Variants in ACAP2 observed in about 807,000 individuals in gnomAD.
ACAP2 encodes the protein ArfGAP with coiled-coil, ankyrin repeat and PH domains 2.
ACAP2 carries 39 observed loss-of-function variants against 115.8 expected under a neutral mutation model. That is an observed-to-expected ratio of 0.34 (90% CI 0.26 to 0.44). The LOEUF is 0.44. ACAP2 is among the 20% of genes least tolerant of loss of function. ACAP2 has a pLI of 1.00. For synonymous variants in ACAP2, 289 were observed against 315.8 expected, an observed-to-expected ratio of 0.92 and a Z score of 0.90; for missense variants, 662 against 927.6, an observed-to-expected ratio of 0.71 and a Z score of 3.72.
chr3:195,321,516 T>C (rs139839725), intron 9 of ACAP2, among the ~76,000 whole-genome samples: 2,035 of 152,142 alleles, frequency 0.013, 35 homozygotes, highest in African/African-American at 0.044. Context: ...TATGGTGATA[T>C]GTGTTAACAA....
chr3:195,353,221 A>C (rs1379686258), intron 4 of ACAP2, among the ~76,000 whole-genome samples: 1 of 152,210 alleles, frequency 6.6e-6, no homozygotes, highest in Non-Finnish European at 1.5e-5. Flanking sequence ...AGAGGACCAG[A>C]GACTGAGGCA....
At chr3:195,413,143 T>C (rs980238420) in intron 1 of ACAP2, among the ~76,000 whole-genome samples, 2 of 152,214 alleles carry the variant, frequency 1.3e-5, no homozygotes, top group Admixed American at 6.5e-5. Context: ...GTTCCTTTTG[T>C]AAGTAGTTTT....
intron 4 of ACAP2, among the ~76,000 whole-genome samples, chr3:195,379,604 G>A (rs1463202399): frequency 3.3e-5 from 5 of 152,108 alleles, no homozygotes; most frequent in African/African-American, 1.2e-4. Context: ...ACTAGCCTGG[G>A]CAAAAGAACA....
chr3:195,369,537 ATGT>A (rs2108723556), intron 4 of ACAP2, among the ~76,000 whole-genome samples: 1 of 152,248 alleles, frequency 6.6e-6, no homozygotes, highest in Non-Finnish European at 1.5e-5. Context: ...TTCTGTTCCT[ATGT>A]TAGTTTGGAT....
In ACAP2 at chr3:195,275,841, A is replaced by G. The variant is rs553346269; in HGVS notation, c.*3487T>C. ...AAACAGTATACAAAGGGATGCTTCT[A>G]TATTTTCACCTTGTTTCATTACACT... On this transcript the variant is annotated 3_prime_UTR_variant, in exon 23 of 23. Transcript: ENST00000326793. The G allele has an allele frequency of 6.6e-6, 1 of 152,616 alleles. No homozygotes were observed. Among genetic ancestry groups the G allele is most frequent in the Admixed American group, 6.5e-5 (1 of 15,302 alleles). The allele number at this position is 152,616 out of a possible 1,614,324, so 9.5% of individuals were successfully genotyped here. A position where few individuals can be genotyped will look rare whatever the true frequency, so the allele number is the denominator to read the frequency against.
In ACAP2 at chr3:195,369,213, ATATT is replaced by A. The variant is rs1380797317; in HGVS notation, c.285+11792_285+11795del. Among the ~76,000 whole-genome samples the A allele has an allele frequency of 3.9e-5, 6 of 152,290 alleles. No individual in the cohort carries two copies. In the East Asian group the frequency reaches 1.2e-3, roughly 29 times the overall value. ...AAATCTGATTTTCTGATCATACGTA[ATATT>A]TATGACACTGACTAAAATGAATTAT... On this transcript the variant is annotated intron_variant, in intron 4 of 22. Coordinates refer to ENST00000326793, the MANE Select transcript of ACAP2 (RefSeq NM_012287.6).
chr3:195,423,914 T>C (rs1714399014), intron 1 of ACAP2, among the ~76,000 whole-genome samples: 1 of 151,446 alleles, frequency 6.6e-6, no homozygotes, highest in Non-Finnish European at 1.5e-5. Context: ...CAATGGAGCC[T>C]CTTGTTTAAA....
chr3:195,330,442 G>A (rs1730093183), intron 8 of ACAP2, among the ~76,000 whole-genome samples: 1 of 152,100 alleles, frequency 6.6e-6, no homozygotes, highest in Non-Finnish European at 1.5e-5. Flanking sequence ...ATGATTAAAT[G>A]TTTTAAAAAC....
At chr3:195,420,669 G>A (rs1363215608) in intron 1 of ACAP2, among the ~76,000 whole-genome samples, 1 of 151,654 alleles carries the variant, frequency 6.6e-6, no homozygotes, top group Non-Finnish European at 1.5e-5. Flanking sequence ...TTTTTGAGAT[G>A]GAGTCTTGCT....
intron 1 of ACAP2, 67 bp from the exon 2 acceptor site, chr3:195,392,214 A>T: frequency 1.6e-6 from 2 of 1,256,830 alleles, no homozygotes; most frequent in Admixed American, 2.0e-5. Context: ...CTTGAAAAGT[A>T]ACTCTAAATG....
intron 4 of ACAP2, among the ~76,000 whole-genome samples, chr3:195,347,991 C>T (rs1054866088): frequency 1.3e-5 from 2 of 149,894 alleles, no homozygotes; most frequent in African/African-American, 4.9e-5. Context: ...CACTCTAGCC[C>T]GAGCAACAGA....
intron 1 of ACAP2, among the ~76,000 whole-genome samples, chr3:195,427,362 G>A (rs756633710): frequency 2.6e-5 from 4 of 151,686 alleles, no homozygotes; most frequent in Admixed American, 6.6e-5. Flanking sequence ...CTAAGTTTGG[G>A]GTAATTTGCT....
chr3:195,298,625 T>C (rs1727813153), intron 15 of ACAP2, among the ~76,000 whole-genome samples: 1 of 152,094 alleles, frequency 6.6e-6, no homozygotes, highest in African/African-American at 2.4e-5. Context: ...TCTTCTGTCA[T>C]TTCCATTTAT....
intron 17 of ACAP2, chr3:195,295,238 A>G (rs954948801): frequency 7.7e-7 from 1 of 1,291,226 alleles, no homozygotes; most frequent in African/African-American, 1.5e-5. Context: ...GAGAAGAGTG[A>G]ATCTAGCTCA....
intron 1 of ACAP2, among the ~76,000 whole-genome samples, chr3:195,421,902 C>T (rs1239977907): frequency 6.6e-6 from 1 of 152,026 alleles, no homozygotes; most frequent in East Asian, 1.9e-4. Flanking sequence ...GCTATGAATT[C>T]TTTTCCTAAC....
At chr3:195,333,228 G>A (rs994547008) in intron 7 of ACAP2, 105 bp from the exon 8 acceptor site, 4 of 509,522 alleles carry the variant, frequency 7.9e-6, no homozygotes, top group Non-Finnish European at 1.2e-5. Context: ...GTCTTGCTCT[G>A]TTTGCTCTGT....
chr3:195,289,797 C>G (rs1323015314), intron 20 of ACAP2, among the ~76,000 whole-genome samples: 1 of 100,922 alleles, frequency 9.9e-6, no homozygotes, highest in Non-Finnish European at 2.2e-5. Flanking sequence ...GAGCAAGACT[C>G]CGTCTCAAAA....
intron 13 of ACAP2, among the ~76,000 whole-genome samples, chr3:195,305,451 C>G (rs528512510): frequency 6.6e-6 from 1 of 152,176 alleles, no homozygotes; most frequent in Admixed American, 6.5e-5. Context: ...AGGACAGAAC[C>G]AAGACCTTTT....
intron 1 of ACAP2, among the ~76,000 whole-genome samples, chr3:195,399,106 C>T (rs546409120): frequency 3.9e-5 from 6 of 152,202 alleles, no homozygotes; most frequent in African/African-American, 1.4e-4. Context: ...TGTTTCTCTT[C>T]TAAGTAAGAT....
Sources: allele counts gnomAD v4.1 joint callset (sites outside exome capture counted in the v4.1 genomes callset), GRCh38; gene constraint gnomAD v4.1.1; transcripts MANE v1.5; gene names NCBI Gene and HGNC (gene_info 2026-07-23, HGNC 2026-07-21).